LINC00237: variants seen among roughly 807,000 people sequenced by gnomAD.
LINC00237 encodes the protein long independently transcribed non-coding RNA 237, also known as long intergenic non-protein coding RNA 237.
rs550641633 is a variant in LINC00237 at position 21,101,648 on chromosome 20, A to C, written n.88+4623T>G. The C allele has an allele frequency of 6.6e-6, 1 of 152,380 alleles. No individual in the cohort carries two copies. Among genetic ancestry groups the C allele is most frequent in the South Asian group, 2.1e-4 (1 of 4,828 alleles). The allele number at this position is 152,380 out of a possible 1,614,324, so 9.4% of individuals were successfully genotyped here. On this transcript the variant is annotated intron_variant and non_coding_transcript_variant, in intron 1 of 3. Transcript: ENST00000691244. The surrounding 1 kb of genome is among the most constrained non-coding windows in gnomAD (Gnocchi z 4.3). ...GGTAGCTCCGCCCTTCCTTTTGCTC[A>C]GGCAGCTAACTTTGGAGCCGGGCAA...
intron 1 of LINC00237, among the ~76,000 whole-genome samples, chr20:21,102,756 G>A (rs1327179429): frequency 1.3e-5 from 2 of 151,808 alleles, no homozygotes; most frequent in African/African-American, 4.8e-5. Context: ...CCACTGAGCG[G>A]AACAATTGTC....
intron 3 of LINC00237, among the ~76,000 whole-genome samples, chr20:21,086,625 A>ATG (rs1568883402): frequency 1.6e-3 from 35 of 21,694 alleles, no homozygotes; most frequent in African/African-American, 5.9e-3. Flanking sequence ...AGTATACTAT[A>ATG]TATAGTATAC....
At chr20:21,085,882 C>G (rs1220209061) in exon 4 of LINC00237, among the ~76,000 whole-genome samples, 2 of 152,206 alleles carry the variant, frequency 1.3e-5, no homozygotes, top group Non-Finnish European at 2.9e-5. Flanking sequence ...GTAGAAGACA[C>G]AAGATCCTAG....
rs2030722549 is a variant in LINC00237, at chr20:21,087,096, A to T, written n.559+848T>A. ...CCACACCCACACACTATATATGTAG[A>T]GAGAGAGACAGAAACAGAGATAGAG... On this transcript the variant is annotated intron_variant and non_coding_transcript_variant, in intron 3 of 3. Transcript: ENST00000691244. Among the ~76,000 whole-genome samples the T allele has an allele frequency of 6.0e-5, 9 of 149,930 alleles. No homozygotes were observed. In the South Asian group the frequency reaches 1.9e-3, roughly 31 times the overall value.
rs77369086 is a variant in LINC00237, at chr20:21,104,138, T to C, written n.88+2133A>G. 9.6e-3 allele frequency among the ~76,000 whole-genome samples: 1,466 copies of C among 152,310 alleles called. 22 individuals carry two copies. The highest frequency in any genetic ancestry group is 0.034 in the African/African-American group (1,396 of 41,558). Reference sequence around the variant, plus strand: ...GCGTCCACCAGGCGCACACTATTAATGCTGTAATTAGGTGTGGTACCTTTG... The same window carrying C: ...GCGTCCACCAGGCGCACACTATTAACGCTGTAATTAGGTGTGGTACCTTTG... On this transcript the variant is annotated intron_variant and non_coding_transcript_variant, in intron 1 of 3. Transcript: ENST00000691244.
intron 1 of LINC00237, among the ~76,000 whole-genome samples, chr20:21,100,768 C>T (rs1323563830): frequency 3.3e-5 from 5 of 152,178 alleles, no homozygotes; most frequent in African/African-American, 9.7e-5. Context: ...GAGCTTGTGG[C>T]TTAAACGCCG....
intron 2 of LINC00237, among the ~76,000 whole-genome samples, chr20:21,091,193 C>G (rs1186396703): frequency 1.4e-5 from 2 of 145,340 alleles, no homozygotes; most frequent in African/African-American, 5.2e-5. Flanking sequence ...ACACACACAC[C>G]TTTTTTTATG....
chr20:21,090,563 G>T (rs1435263515), intron 2 of LINC00237: 1 of 152,206 alleles, frequency 6.6e-6, no homozygotes, highest in Non-Finnish European at 1.5e-5. Context: ...ATGTGCGGAT[G>T]AAAAGGTGCA....
intron 1 of LINC00237, among the ~76,000 whole-genome samples, chr20:21,095,497 T>C (rs1200154662): frequency 1.3e-5 from 2 of 152,006 alleles, no homozygotes; most frequent in Non-Finnish European, 2.9e-5. Flanking sequence ...TAAAGAGGAG[T>C]ACACACGTGA....
At chr20:21,099,391 G>C (rs184644488) in intron 1 of LINC00237, among the ~76,000 whole-genome samples, 3 of 152,316 alleles carry the variant, frequency 2.0e-5, no homozygotes, top group Admixed American at 1.3e-4. Flanking sequence ...GTGGAAAGTT[G>C]GTCTCCCTGT....
At position 21,101,954 on chromosome 20, in the gene LINC00237, C is replaced by T. The variant is rs1398546194; in HGVS notation, n.88+4317G>A. Among the ~76,000 whole-genome samples, 3 of 152,198 alleles carry T rather than the reference C, an allele frequency of 2.0e-5. No individual in the cohort carries two copies. The highest frequency in any genetic ancestry group is 7.2e-5 in the African/African-American group (3 of 41,454). The stretch of plus-strand genomic sequence containing the variant: ...CGGCGATGGAGTAGCTCCGGGCTCT[C>T]CACGGACTCGATTGGACAGCCCCAG... On this transcript the variant is annotated intron_variant and non_coding_transcript_variant, in intron 1 of 3. Transcript: ENST00000691244. The surrounding 1 kb of genome is among the most constrained non-coding windows in gnomAD (Gnocchi z 4.3).
chr20:21,095,145 G>A (rs2030840699), intron 1 of LINC00237, among the ~76,000 whole-genome samples: 1 of 152,198 alleles, frequency 6.6e-6, no homozygotes, highest in African/African-American at 2.4e-5. Context: ...CCAGTAGAAT[G>A]AGATGGGAGT....
intron 2 of LINC00237, chr20:21,092,885 T>C (rs1427328911): frequency 6.6e-6 from 1 of 152,238 alleles, no homozygotes; most frequent in African/African-American, 2.4e-5. Context: ...TTAACTTATG[T>C]ATTACTCACA....
intron 2 of LINC00237, among the ~76,000 whole-genome samples, chr20:21,089,017 T>G (rs751003843): frequency 1.4e-4 from 21 of 151,914 alleles, no homozygotes; most frequent in Non-Finnish European, 2.1e-4. Context: ...CATTAAGTAA[T>G]AGGAGACCCC....
intron 1 of LINC00237, among the ~76,000 whole-genome samples, chr20:21,103,375 T>C (rs2122185083): frequency 6.6e-6 from 1 of 152,238 alleles, no homozygotes; most frequent in Admixed American, 6.5e-5. Flanking sequence ...TGGATGCCTT[T>C]GCCTGCGGGG....
chr20:21,096,193 C>G (rs1449147298), intron 1 of LINC00237, among the ~76,000 whole-genome samples: 1 of 152,140 alleles, frequency 6.6e-6, no homozygotes, highest in African/African-American at 2.4e-5. Context: ...GGTGCTATAA[C>G]AAAATGAACC....
At chr20:21,097,604 T>G (rs938527782) in intron 1 of LINC00237, among the ~76,000 whole-genome samples, 4 of 152,224 alleles carry the variant, frequency 2.6e-5, no homozygotes, top group Non-Finnish European at 5.9e-5. Flanking sequence ...AAGGTTTATT[T>G]CATTTAAGTT....
intron 2 of LINC00237, chr20:21,090,499 A>C (rs1255904538): frequency 1.3e-5 from 2 of 152,228 alleles, no homozygotes; most frequent in Non-Finnish European, 2.9e-5. Context: ...GCCATCAGGC[A>C]GTCTGACACC....
chr20:21,100,800 G>T (rs1406702670), intron 1 of LINC00237, among the ~76,000 whole-genome samples: 1 of 152,184 alleles, frequency 6.6e-6, no homozygotes, highest in East Asian at 1.9e-4. Flanking sequence ...CACCCAGTTG[G>T]TGGGTTGTAA....
Sources: allele counts gnomAD v4.1 joint callset (sites outside exome capture counted in the v4.1 genomes callset), GRCh38; gene constraint gnomAD v4.1.1; non-coding constraint Gnocchi (gnomAD v3.1); transcripts MANE v1.5; gene names NCBI Gene and HGNC (gene_info 2026-07-23, HGNC 2026-07-21).